The following LHFPL7 variants were observed in gnomAD, a reference collection of about 807,000 sequenced individuals.
The protein encoded by LHFPL7 is LHFPL tetraspan subfamily member 7.
chr22:24,939,695 T>A, the LHFPL7 span: 1 of 622,288 alleles, frequency 1.6e-6, no homozygotes, highest in Non-Finnish European at 2.9e-6. Flanking sequence ...GAGATGCAAA[T>A]GGGAGGTACT....
At chr22:24,944,590 G>A in the LHFPL7 span, among the ~76,000 whole-genome samples, 3 of 152,162 alleles carry the variant, frequency 2.0e-5, no homozygotes, top group Admixed American at 2.0e-4. Flanking sequence ...GTCTTGCTCT[G>A]TTGCCCAGGC....
chr22:24,946,329 C>A, the LHFPL7 span, among the ~76,000 whole-genome samples: 2 of 152,042 alleles, frequency 1.3e-5, no homozygotes, highest in Non-Finnish European at 2.9e-5. Context: ...AACAAAAAAA[C>A]AAAACCCCAG....
At chr22:24,938,294 G>A in the LHFPL7 span, 2 of 1,613,702 alleles carry the variant, frequency 1.2e-6, no homozygotes, top group East Asian at 2.2e-5. Flanking sequence ...AGACCTGCAG[G>A]GAAGAGACAG....
At chr22:24,940,519 C>G in the LHFPL7 span, among the ~76,000 whole-genome samples, 1 of 151,432 alleles carries the variant, frequency 6.6e-6, no homozygotes, top group Admixed American at 6.6e-5. Flanking sequence ...TGGCGTGAAC[C>G]CGGGAGGCGG....
the LHFPL7 span, chr22:24,938,225 C>T: frequency 1.9e-6 from 3 of 1,614,012 alleles, no homozygotes; most frequent in Non-Finnish European, 1.7e-6. Flanking sequence ...CAGCCCAAGA[C>T]AGGAGGAAAA....
At chr22:24,935,113 T>G in the LHFPL7 span, 5,140 of 576,772 alleles carry the variant, frequency 8.9e-3, 194 homozygotes, top group African/African-American at 0.086. Flanking sequence ...TGCAAAGTGC[T>G]TTATTTACAC....
At chr22:24,935,306 G>A in the LHFPL7 span, 3 of 1,598,948 alleles carry the variant, frequency 1.9e-6, no homozygotes, top group Non-Finnish European at 1.7e-6. Context: ...TCTGGAGTGT[G>A]CCCTTTGTGC....
At chr22:24,936,201 T>C in the LHFPL7 span, among the ~76,000 whole-genome samples, 1 of 152,134 alleles carries the variant, frequency 6.6e-6, no homozygotes, top group Non-Finnish European at 1.5e-5. Context: ...TCCATCCCTC[T>C]GTCCACCTAT....
the LHFPL7 span, among the ~76,000 whole-genome samples, chr22:24,944,741 TTTA>T: frequency 6.6e-6 from 1 of 151,556 alleles, no homozygotes; most frequent in Non-Finnish European, 1.5e-5. Flanking sequence ...TATTTATTTA[TTTA>T]TTTATTTATT....
At chr22:24,938,418 G>T in the LHFPL7 span, 6 of 1,491,800 alleles carry the variant, frequency 4.0e-6, no homozygotes, top group South Asian at 7.9e-5. Context: ...GCAGGTGGAT[G>T]CTCCCCTGCT....
chr22:24,936,406 G>A, the LHFPL7 span, among the ~76,000 whole-genome samples: 1 of 152,016 alleles, frequency 6.6e-6, no homozygotes, highest in Non-Finnish European at 1.5e-5. Flanking sequence ...ATCTACCAAT[G>A]TATCCATCTA....
chr22:24,938,202 C>G, the LHFPL7 span: 1 of 1,614,190 alleles, frequency 6.2e-7, no homozygotes, highest in East Asian at 2.2e-5. Flanking sequence ...TGGGCACAGC[C>G]CTTTGGGGGC....
chr22:24,942,892 AGTGTGTGTGTGTGTGTGT>A, the LHFPL7 span, among the ~76,000 whole-genome samples: 79 of 128,124 alleles, frequency 6.2e-4, no homozygotes, highest in Non-Finnish European at 7.3e-4. Context: ...AAGGGGATAA[AGTGTGTGTGTGTGTGTGT>A]GTGTGTGTGT....
At chr22:24,946,407 G>GCATC in the LHFPL7 span, among the ~76,000 whole-genome samples, 6 of 143,112 alleles carry the variant, frequency 4.2e-5, no homozygotes, top group Middle Eastern at 7.1e-3. Flanking sequence ...GAGCGCACAT[G>GCATC]CACCCACCCA....
the LHFPL7 span, chr22:24,935,700 C>G: frequency 7.1e-7 from 1 of 1,409,108 alleles, no homozygotes; most frequent in Non-Finnish European, 9.6e-7. Flanking sequence ...ATCTATCCAC[C>G]CACTCATTCA....
At chr22:24,936,819 G>A in the LHFPL7 span, among the ~76,000 whole-genome samples, 22 of 152,098 alleles carry the variant, frequency 1.4e-4, no homozygotes, top group Admixed American at 3.9e-4. Context: ...GCCCATCCAT[G>A]CACTGGGTCA....
chr22:24,936,941 C>T, the LHFPL7 span, among the ~76,000 whole-genome samples: 4 of 150,856 alleles, frequency 2.7e-5, no homozygotes, highest in African/African-American at 7.3e-5. Context: ...AAACTAGACA[C>T]TGCAAGCAAG....
At chr22:24,946,421 A>T in the LHFPL7 span, among the ~76,000 whole-genome samples, 4 of 37,258 alleles carry the variant, frequency 1.1e-4, no homozygotes, top group Non-Finnish European at 1.9e-4. Context: ...CCACCCACCC[A>T]CCCACACACA....
the LHFPL7 span, among the ~76,000 whole-genome samples, chr22:24,942,769 G>A: frequency 6.6e-6 from 1 of 152,194 alleles, no homozygotes; most frequent in East Asian, 1.9e-4. Flanking sequence ...TGGGCAGGGT[G>A]ATATGATGGA....
Sources: allele counts gnomAD v4.1 joint callset (sites outside exome capture counted in the v4.1 genomes callset), GRCh38; gene constraint gnomAD v4.1.1; transcripts MANE v1.5; gene names NCBI Gene and HGNC (gene_info 2026-07-23, HGNC 2026-07-21).